Variants in SAMMSON observed in about 807,000 individuals in gnomAD.
SAMMSON encodes survival associated mitochondrial melanoma specific oncogenic non-coding RNA.
intron 4 of SAMMSON, among the ~76,000 whole-genome samples, chr3:70,147,452 A>G (rs557992506): frequency 6.6e-6 from 1 of 152,040 alleles, no homozygotes; most frequent in Non-Finnish European, 1.5e-5. Flanking sequence ...ACTGTGTGTT[A>G]TTGTCAAGGG....
chr3:70,171,153 A>T (rs1192071159), intron 4 of SAMMSON, among the ~76,000 whole-genome samples: 1 of 151,646 alleles, frequency 6.6e-6, no homozygotes, highest in African/African-American at 2.4e-5. Context: ...CATACACAAC[A>T]TTTTTTTTAA....
At chr3:70,001,824 A>G (rs1048649323) in intron 1 of SAMMSON, among the ~76,000 whole-genome samples, 25 of 152,344 alleles carry the variant, frequency 1.6e-4, no homozygotes, top group African/African-American at 5.8e-4. Flanking sequence ...AGGCATTACC[A>G]GAATCCAGAC....
chr3:70,309,731 A>G (rs1477287963), intron 7 of SAMMSON, among the ~76,000 whole-genome samples: 1 of 152,172 alleles, frequency 6.6e-6, no homozygotes. Flanking sequence ...GATAATTCCC[A>G]ATTAAGATGT....
At chr3:70,345,057 T>A (rs1237725545) in intron 7 of SAMMSON, among the ~76,000 whole-genome samples, 2 of 152,220 alleles carry the variant, frequency 1.3e-5, no homozygotes, top group African/African-American at 4.8e-5. Context: ...TAAATGTATG[T>A]GCATTCTACA....
intron 7 of SAMMSON, among the ~76,000 whole-genome samples, chr3:70,334,055 T>C (rs962764612): frequency 6.6e-6 from 1 of 152,232 alleles, no homozygotes; most frequent in Non-Finnish European, 1.5e-5. Context: ...AGGTTGCCTG[T>C]GCCTAGTTAA....
chr3:70,230,677 C>A (rs1192547723), intron 4 of SAMMSON, among the ~76,000 whole-genome samples: 1 of 152,092 alleles, frequency 6.6e-6, no homozygotes, highest in Non-Finnish European at 1.5e-5. Flanking sequence ...ATTTGATAAT[C>A]AATTCTAGGT....
intron 7 of SAMMSON, among the ~76,000 whole-genome samples, chr3:70,350,803 T>C (rs1383675246): frequency 6.6e-6 from 1 of 152,284 alleles, no homozygotes; most frequent in East Asian, 1.9e-4. Context: ...AATACCATAC[T>C]GTGGACGGCC....
At chr3:70,368,522 T>C (rs1040581147) in intron 9 of SAMMSON, among the ~76,000 whole-genome samples, 4 of 151,792 alleles carry the variant, frequency 2.6e-5, no homozygotes, top group Admixed American at 1.3e-4. Flanking sequence ...AGCATTTAGA[T>C]GTATGGTAAA....
chr3:70,352,548 C>T (rs1189634651), intron 7 of SAMMSON, among the ~76,000 whole-genome samples: 1 of 152,020 alleles, frequency 6.6e-6, no homozygotes, highest in East Asian at 1.9e-4. Context: ...ATGAAAATTC[C>T]AACCTTGGAA....
chr3:70,407,414 C>G (rs541069712), intron 2 of SAMMSON, among the ~76,000 whole-genome samples: 4 of 152,278 alleles, frequency 2.6e-5, no homozygotes, highest in African/African-American at 9.6e-5. Flanking sequence ...AAATTAAAAG[C>G]AAGCTGGTTA....
At chr3:70,274,071 G>GTT (rs1701998691) in intron 6 of SAMMSON, among the ~76,000 whole-genome samples, 1 of 148,648 alleles carries the variant, frequency 6.7e-6, no homozygotes, top group Admixed American at 6.8e-5. Context: ...GTGTGTGTGT[G>GTT]TGTGTGTGTG....
intron 4 of SAMMSON, among the ~76,000 whole-genome samples, chr3:70,175,861 A>C (rs192838908): frequency 4.6e-5 from 7 of 152,240 alleles, no homozygotes; most frequent in African/African-American, 1.7e-4. Flanking sequence ...GGAGAAAGCT[A>C]GTTTAAGGTG....
At position 70,102,796 on chromosome 3, in the gene SAMMSON, C is replaced by A. The variant is rs1052808810; in HGVS notation, n.507+31231C>A. 4.6e-5 allele frequency among the ~76,000 whole-genome samples: 7 copies of A among 152,056 alleles called. 1 individual carries two copies. Among genetic ancestry groups the A allele is most frequent in the Admixed American group, 4.6e-4 (7 of 15,258 alleles). On this transcript the variant is annotated intron_variant and non_coding_transcript_variant, in intron 4 of 9. Coordinates refer to ENST00000642114, the Ensembl canonical transcript of SAMMSON. ...ATCAGGAGAGAATGGACATAGAGAGCGAAAGTTAATGGATGTATTTGGTTG... is the reference window on the plus strand; with the variant it reads ...ATCAGGAGAGAATGGACATAGAGAGAGAAAGTTAATGGATGTATTTGGTTG...
At chr3:70,079,447 T>C (rs1559786800) in intron 4 of SAMMSON, among the ~76,000 whole-genome samples, 1 of 152,182 alleles carries the variant, frequency 6.6e-6, no homozygotes, top group African/African-American at 2.4e-5. Context: ...GTGTGACTTA[T>C]GATTTTTTTG....
intron 3 of SAMMSON, among the ~76,000 whole-genome samples, chr3:70,022,433 A>G (rs2067019423): frequency 6.6e-6 from 1 of 150,584 alleles, no homozygotes; most frequent in Non-Finnish European, 1.5e-5. Flanking sequence ...TAACAAAAAA[A>G]AAAAAAAAAA....
At chr3:70,061,063 C>G (rs1046930895) in intron 3 of SAMMSON, among the ~76,000 whole-genome samples, 32 of 152,030 alleles carry the variant, frequency 2.1e-4, no homozygotes, top group African/African-American at 7.7e-4. Flanking sequence ...ATGCAGACAT[C>G]CATGCATAAA....
At chr3:70,154,958 A>T (rs1393900369) in intron 4 of SAMMSON, among the ~76,000 whole-genome samples, 1 of 151,966 alleles carries the variant, frequency 6.6e-6, no homozygotes, top group East Asian at 1.9e-4. Context: ...ATGTTTTAGG[A>T]CAGCAAAGGA....
intron 4 of SAMMSON, among the ~76,000 whole-genome samples, chr3:70,105,680 C>G (rs1559792069): frequency 6.6e-6 from 1 of 152,144 alleles, no homozygotes; most frequent in East Asian, 1.9e-4. Flanking sequence ...TGCAAGTGCA[C>G]AAAATGAAAA....
intron 2 of SAMMSON, among the ~76,000 whole-genome samples, chr3:70,405,012 A>C (rs1299593584): frequency 6.6e-6 from 1 of 152,144 alleles, no homozygotes; most frequent in Non-Finnish European, 1.5e-5. Flanking sequence ...AAGCAAAACA[A>C]ATAACAACAA....
Sources: allele counts gnomAD v4.1 joint callset (sites outside exome capture counted in the v4.1 genomes callset), GRCh38; gene constraint gnomAD v4.1.1; transcripts MANE v1.5; gene names NCBI Gene and HGNC (gene_info 2026-07-23, HGNC 2026-07-21).